The following SHC2 variants were observed in gnomAD, a reference collection of about 807,000 sequenced individuals.
SHC2 encodes SHC adaptor protein 2.
A neutral mutation model predicts 60.6 loss-of-function variants in SHC2; 62 were observed. The observed-to-expected ratio is 1.02, with a 90% CI of 0.83 to 1.26. The LOEUF (loss-of-function observed/expected upper bound fraction) is 1.26. Among genes scored for constraint, SHC2 ranks in the 50% most tolerant of loss-of-function variants. SHC2 has a pLI of 0.00. For missense variants in SHC2, 873 were observed against 822.2 expected (o/e 1.06, Z -0.76); for synonymous variants, 375 against 372.4 (o/e 1.01, Z -0.08).
intron 9 of SHC2, among the ~76,000 whole-genome samples, chr19:428,909 A>G (rs1014440071): frequency 6.6e-5 from 10 of 151,864 alleles, no homozygotes; most frequent in African/African-American, 1.9e-4. Flanking sequence ...CCTATATCCC[A>G]ACATGCACGG....
At chr19:458,845 G>T (rs1975462396) in intron 1 of SHC2, among the ~76,000 whole-genome samples, 2 of 151,952 alleles carry the variant, frequency 1.3e-5, no homozygotes. Flanking sequence ...GGGTTCCGGG[G>T]AGGCGGAAGC....
chr19:437,910 C>G (rs757440836), intron 4 of SHC2, among the ~76,000 whole-genome samples: 1 of 152,238 alleles, frequency 6.6e-6, no homozygotes, highest in Non-Finnish European at 1.5e-5. Context: ...CCAGCACATG[C>G]TCAGGACACC....
intron 1 of SHC2, among the ~76,000 whole-genome samples, chr19:455,449 T>C (rs908846979): frequency 3.3e-5 from 5 of 152,206 alleles, no homozygotes; most frequent in Non-Finnish European, 5.9e-5. Flanking sequence ...GGCGTGAGCC[T>C]CGGCGCCGGA....
At position 424,974 on chromosome 19, in the gene SHC2, G is replaced by C. The variant is rs1974372884; in HGVS notation, c.1309+123C>G. 9.1e-7 allele frequency: 1 copy of C among 1,101,384 alleles called. No individual in the cohort carries two copies. The allele number at this position is 1,101,384 out of a possible 1,614,324, so 68.2% of individuals were successfully genotyped here. On this transcript the variant is annotated intron_variant, in intron 10 of 12. Transcript: ENST00000264554. This position sits in a 1 kb window ranked among gnomAD's most constrained non-coding sequence, Gnocchi z 4.5. ...ACCCGTCGACTTGAAGGATCTCACG[G>C]GGAGAAGGGAGCCTCCCCCATCAGA...
intron 1 of SHC2, among the ~76,000 whole-genome samples, chr19:443,978 C>CGGGT (rs1974988092): frequency 1.0e-5 from 1 of 96,520 alleles, no homozygotes; most frequent in Non-Finnish European, 2.1e-5. Flanking sequence ...GATGGATGGA[C>CGGGT]GGATGGTTGG....
Position 440,025 on chromosome 19 carries a change from CAAAA to C in SHC2, c.539+833_539+836del, listed in dbSNP as rs60912837. Among the ~76,000 whole-genome samples, 1 of 66,412 alleles carries C rather than the reference CAAAA, an allele frequency of 1.5e-5. No homozygotes were observed. Among genetic ancestry groups the C allele is most frequent in the Non-Finnish European group, 3.2e-5 (1 of 31,030 alleles). The allele number at this position is 66,412 out of a possible 152,430, so 43.6% of individuals were successfully genotyped here. On this transcript the variant is annotated intron_variant, in intron 2 of 12. Transcript: ENST00000264554. The surrounding 1 kb of genome is among the most constrained non-coding windows in gnomAD (Gnocchi z 7.0). ...TGGGCAACAGAGTGAGACTCCATCT[CAAAA>C]AAAAAAAAAAAAAAGGAGCAAGGCT...
In SHC2 at chr19:438,421, C is replaced by T. The variant is rs73507731; in HGVS notation, c.720+297G>A. On this transcript the variant is annotated intron_variant, in intron 4 of 12. Coordinates refer to ENST00000264554, the MANE Select transcript of SHC2 (RefSeq NM_012435.3). This position sits in a 1 kb window ranked among gnomAD's most constrained non-coding sequence, Gnocchi z 5.0. ...AGGCACTGTGGATGTTGGGACGGAC[C>T]ACTCTCTGGGGTGGGGCGTCCTGGC... Among the ~76,000 whole-genome samples, 11,482 of 152,312 alleles carry T rather than the reference C, an allele frequency of 0.075. 966 individuals carry two copies. Among genetic ancestry groups the T allele is most frequent in the East Asian group, 0.2 (1,046 of 5,184 alleles).
chr19:440,808 GC>G lies in SHC2; in HGVS notation c.539+53del. On this transcript the variant is annotated intron_variant, in intron 2 of 12. Transcript: ENST00000264554. This position sits in a 1 kb window ranked among gnomAD's most constrained non-coding sequence, Gnocchi z 7.0. ...ATCGCTGCCGCCCTCCAGTGCTGCC[GC>G]CCTCCAGTGCGTCACTCAGCCCTAC... is the stretch of plus-strand genomic sequence containing the variant. The G allele has an allele frequency of 6.7e-7, 1 of 1,489,634 alleles. No homozygotes were observed. Among genetic ancestry groups the G allele is most frequent in the Non-Finnish European group, 9.3e-7 (1 of 1,071,308 alleles). 92.3% of individuals were successfully genotyped at this position (1,489,634 alleles called of 1,614,324 possible). A position where few individuals can be genotyped will look rare whatever the true frequency, so the allele number is the denominator to read the frequency against.
chr19:430,618 C>A, intron 9 of SHC2, 66 bp downstream of exon 9: 1 of 1,336,234 alleles, frequency 7.5e-7, no homozygotes, highest in Non-Finnish European at 1.1e-6. Context: ...GGGGAGCCAG[C>A]ACAGGACAGG....
chr19:429,485 A>G (rs956707414), intron 9 of SHC2, among the ~76,000 whole-genome samples: 1 of 148,250 alleles, frequency 6.7e-6, no homozygotes, highest in South Asian at 2.2e-4. Flanking sequence ...TGGATGACGC[A>G]GTACCTATAC....
Position 453,311 on chromosome 19 carries a change from C to G in SHC2, c.468+7218G>C, listed in dbSNP as rs991401153. The stretch of plus-strand genomic sequence containing the variant: ...CTGAGGCAGGGTCTTGCTCTGTCAC[C>G]CAGGCTGGAGGGCAGTGGCATGATC... On this transcript the variant is annotated intron_variant, in intron 1 of 12. Coordinates refer to ENST00000264554, the MANE Select transcript of SHC2 (RefSeq NM_012435.3). This position sits in a 1 kb window ranked among gnomAD's most constrained non-coding sequence, Gnocchi z 6.3. The G allele has an allele frequency of 2.6e-5, 4 of 152,222 alleles. No homozygotes were observed. Among genetic ancestry groups the G allele is most frequent in the African/African-American group, 9.6e-5 (4 of 41,528 alleles). The allele number at this position is 152,222 out of a possible 1,614,324, so 9.4% of individuals were successfully genotyped here. A position where few individuals can be genotyped will look rare whatever the true frequency, so the allele number is the denominator to read the frequency against.
chr19:452,045 TG>T (rs1672415362), intron 1 of SHC2, among the ~76,000 whole-genome samples: 1 of 152,246 alleles, frequency 6.6e-6, no homozygotes, highest in Non-Finnish European at 1.5e-5. Context: ...GTGGCCTTTG[TG>T]GCGGCCTCTG....
At chr19:456,709 C>A (rs980836807) in intron 1 of SHC2, among the ~76,000 whole-genome samples, 1 of 128,010 alleles carries the variant, frequency 7.8e-6, no homozygotes, top group African/African-American at 2.8e-5. Context: ...GCTGTGCCCC[C>A]CCTAGAACTC....
At chr19:451,030 C>T (rs1368621233) in intron 1 of SHC2, among the ~76,000 whole-genome samples, 74 of 135,340 alleles carry the variant, frequency 5.5e-4, no homozygotes, top group African/African-American at 2.1e-3. Context: ...TGGATGGCCA[C>T]GCCGTGGCCA....
intron 9 of SHC2, among the ~76,000 whole-genome samples, chr19:427,282 A>T (rs1262010374): frequency 6.6e-6 from 1 of 152,230 alleles, no homozygotes; most frequent in African/African-American, 2.4e-5. Flanking sequence ...AGCCGCCTCC[A>T]GGGTGGACTG....
In SHC2 at chr19:440,028, A is replaced by G. The variant is rs898890474; in HGVS notation, c.539+834T>C. Among the ~76,000 whole-genome samples the G allele has an allele frequency of 2.7e-5, 4 of 149,504 alleles. No homozygotes were observed. Among genetic ancestry groups the G allele is most frequent in the African/African-American group, 9.9e-5 (4 of 40,522 alleles). ...GCAACAGAGTGAGACTCCATCTCAA[A>G]AAAAAAAAAAAAAAAGGAGCAAGGC... is the stretch of plus-strand genomic sequence containing the variant. On this transcript the variant is annotated intron_variant, in intron 2 of 12. Transcript: ENST00000264554. The surrounding 1 kb of genome is among the most constrained non-coding windows in gnomAD (Gnocchi z 7.0).
chr19:428,744 A>C (rs1419163270), intron 9 of SHC2, among the ~76,000 whole-genome samples: 1 of 152,214 alleles, frequency 6.6e-6, no homozygotes, highest in African/African-American at 2.4e-5. Context: ...ATGTGGACGA[A>C]TGCAGTACCT....
intron 9 of SHC2, among the ~76,000 whole-genome samples, chr19:426,826 T>G (rs1600279254): frequency 1.6e-5 from 2 of 128,682 alleles, no homozygotes; most frequent in African/African-American, 3.0e-5. Flanking sequence ...AGGGGCAGAG[T>G]CCGGGGAGGG....
chr19:422,660 C>T lies in SHC2; in HGVS notation c.1310-204G>A. 3 of 530,912 alleles carry T rather than the reference C, an allele frequency of 5.7e-6. 1 individual carries two copies. Among genetic ancestry groups the T allele is most frequent in the Non-Finnish European group, 9.9e-6 (3 of 302,024 alleles). The allele number at this position is 530,912 out of a possible 1,614,324, so 32.9% of individuals were successfully genotyped here. A position where few individuals can be genotyped will look rare whatever the true frequency, so the allele number is the denominator to read the frequency against. ...CTCACATGTGTAGCAACCTGGACTC[C>T]CCAGGTTGGGTTTTCTAGGCACGTA... On this transcript the variant is annotated intron_variant, in intron 10 of 12. Transcript: ENST00000264554. The surrounding 1 kb of genome is among the most constrained non-coding windows in gnomAD (Gnocchi z 5.0).
Sources: allele counts gnomAD v4.1 joint callset (sites outside exome capture counted in the v4.1 genomes callset), GRCh38; gene constraint gnomAD v4.1.1; non-coding constraint Gnocchi (gnomAD v3.1); transcripts MANE v1.5; gene names NCBI Gene and HGNC (gene_info 2026-07-23, HGNC 2026-07-21).